The following FRMPD4 variants were observed in gnomAD, a reference collection of about 807,000 sequenced individuals.
FRMPD4 encodes the protein FERM and PDZ domain containing 4.
In FRMPD4, 22 loss-of-function variants were observed where a neutral mutation model predicts 94.1. The ratio of observed to expected loss-of-function variants is 0.23; its 90% CI spans 0.17 to 0.33. The LOEUF is 0.33. Among genes scored for constraint, FRMPD4 ranks in the 10% least tolerant of loss-of-function variants. The probability of loss-of-function intolerance (pLI) is 1.00; values close to 1 mark genes in which losing one functional copy is unlikely to be tolerated. For synonymous variants in FRMPD4, 631 were observed against 548.6 expected, an observed-to-expected ratio of 1.15 and a Z score of -2.10; for missense variants, 1,111 against 1,339.9, an observed-to-expected ratio of 0.83 and a Z score of 2.67.
intron 3 of FRMPD4, among the ~76,000 whole-genome samples, chrX:12,611,412 A>G (rs993594613): frequency 4.5e-5 from 5 of 111,628 alleles, no homozygotes; most frequent in Non-Finnish European, 9.4e-5. Flanking sequence ...TTTAGCTTCC[A>G]TGTTAAATTC....
chrX:12,308,673 A>G (rs2054983083), intron 1 of FRMPD4, among the ~76,000 whole-genome samples: 1 of 111,666 alleles, frequency 9.0e-6, no homozygotes, highest in Non-Finnish European at 1.9e-5. Flanking sequence ...CTTTCACAGA[A>G]AGGCAACAGG....
At chrX:12,047,241 A>G (rs1188487927) in intron 3 of FRMPD4, among the ~76,000 whole-genome samples, 1 of 110,325 alleles carries the variant, frequency 9.1e-6, no homozygotes, top group East Asian at 2.8e-4. Flanking sequence ...CCACACATAT[A>G]TAAAGTACAT....
intron 1 of FRMPD4, among the ~76,000 whole-genome samples, chrX:12,189,267 G>A (rs896528170): frequency 2.0e-4 from 22 of 111,576 alleles, no homozygotes; most frequent in African/African-American, 7.2e-4. Context: ...TATAGACATT[G>A]AATCAGTAAT....
chrX:12,376,520 A>G (rs1203227470), intron 1 of FRMPD4, among the ~76,000 whole-genome samples: 2 of 112,583 alleles, frequency 1.8e-5, no homozygotes, highest in East Asian at 2.8e-4. Flanking sequence ...TAACCTGTCA[A>G]TTTACCAACT....
At chrX:12,107,833 T>C (rs1408042013) in intron 3 of FRMPD4, among the ~76,000 whole-genome samples, 1 of 110,490 alleles carries the variant, frequency 9.1e-6, no homozygotes, top group African/African-American at 3.3e-5. Flanking sequence ...TGATTAAAGA[T>C]CAAATGAATG....
At chrX:12,329,327 A>G (rs975544662) in intron 1 of FRMPD4, among the ~76,000 whole-genome samples, 14 of 111,265 alleles carry the variant, frequency 1.3e-4, no homozygotes, top group African/African-American at 4.6e-4. Flanking sequence ...AGGAAAAGTT[A>G]TAATAGTATT....
chrX:12,060,407 CTT>C (rs34618179), intron 3 of FRMPD4, among the ~76,000 whole-genome samples: 3 of 93,328 alleles, frequency 3.2e-5, no homozygotes, highest in African/African-American at 7.7e-5. Flanking sequence ...GTTTATGTGT[CTT>C]TTTTTTTTTT....
chrX:12,646,320 G>A (rs1204426893), intron 4 of FRMPD4, among the ~76,000 whole-genome samples: 1 of 111,917 alleles, frequency 8.9e-6, no homozygotes, highest in Non-Finnish European at 1.9e-5. Flanking sequence ...GGGTTAGTGT[G>A]CCCCAAGTTC....
At chrX:12,679,544 G>T (rs1036907572) in intron 5 of FRMPD4, among the ~76,000 whole-genome samples, 2 of 111,998 alleles carry the variant, frequency 1.8e-5, no homozygotes, top group Non-Finnish European at 3.8e-5. Flanking sequence ...GTGGGAAAGA[G>T]TACTTGTGGC....
intron 3 of FRMPD4, among the ~76,000 whole-genome samples, chrX:11,949,369 T>C (rs2054207905): frequency 8.9e-6 from 1 of 111,931 alleles, no homozygotes; most frequent in African/African-American, 3.3e-5. Context: ...ATTCCTATTT[T>C]GAGAGTCTTG....
chrX:12,223,493 C>T (rs929305442), intron 1 of FRMPD4, among the ~76,000 whole-genome samples: 7 of 111,622 alleles, frequency 6.3e-5, no homozygotes, highest in African/African-American at 1.3e-4. Context: ...AAAACTATCA[C>T]GTACTGTGCT....
chrX:12,679,114 C>T (rs1338976830), intron 5 of FRMPD4, among the ~76,000 whole-genome samples: 1 of 112,199 alleles, frequency 8.9e-6, no homozygotes, highest in Non-Finnish European at 1.9e-5. Context: ...AGCATACCAG[C>T]CCAATTTCCA....
intron 1 of FRMPD4, among the ~76,000 whole-genome samples, chrX:12,435,208 T>C (rs1292864329): frequency 1.8e-5 from 2 of 111,966 alleles, no homozygotes; most frequent in Non-Finnish European, 3.8e-5. Context: ...CTCTAACTGG[T>C]TAAAATGTGG....
chrX:12,466,857 T>C lies in FRMPD4; in HGVS notation c.42-31823T>C, dbSNP rs201406200. Among the ~76,000 whole-genome samples, 6 of 112,061 alleles carry C rather than the reference T, an allele frequency of 5.4e-5. No homozygotes were observed. In the East Asian group the frequency reaches 1.1e-3, roughly 21 times the overall value. On this transcript the variant is annotated intron_variant, in intron 1 of 16. Transcript: ENST00000675598. ...AGCAAGAGGTAGCTAGGTTGACATA[T>C]TGAGAAAGGTAGAATCAATGGAAGG...
At chrX:12,004,303 G>A (rs1194712488) in intron 3 of FRMPD4, among the ~76,000 whole-genome samples, 1 of 112,009 alleles carries the variant, frequency 8.9e-6, no homozygotes, top group East Asian at 2.8e-4. Flanking sequence ...GCTGGCACTA[G>A]GTGCTTGCTC....
chrX:12,095,377 CAA>C (rs201645954), intron 3 of FRMPD4, among the ~76,000 whole-genome samples: 131 of 72,750 alleles, frequency 1.8e-3, no homozygotes, highest in African/African-American at 5.8e-3. Flanking sequence ...CTCTCTGTCT[CAA>C]AAAAAAAAAA....
At chrX:12,557,309 T>A (rs1310899766) in intron 2 of FRMPD4, among the ~76,000 whole-genome samples, 1 of 111,251 alleles carries the variant, frequency 9.0e-6, no homozygotes, top group East Asian at 2.8e-4. Context: ...GTAGCAGCTC[T>A]CAGAGAGAAT....
intron 1 of FRMPD4, among the ~76,000 whole-genome samples, chrX:12,149,427 T>A (rs1034247815): frequency 1.8e-5 from 2 of 111,463 alleles, no homozygotes; most frequent in Non-Finnish European, 3.8e-5. Flanking sequence ...ATTCCAACCC[T>A]CATAGATGGC....
At chrX:12,578,464 C>T (rs892835533) in intron 2 of FRMPD4, among the ~76,000 whole-genome samples, 5 of 111,505 alleles carry the variant, frequency 4.5e-5, no homozygotes, top group African/African-American at 9.8e-5. Flanking sequence ...CAGACTCACA[C>T]GAAACCCCAA....
Sources: gnomAD v4.1 joint callset for allele counts (sites outside exome capture counted in the v4.1 genomes callset) on GRCh38, gnomAD v4.1.1 for gene constraint, MANE v1.5 for transcripts, NCBI Gene and HGNC (gene_info 2026-07-23, HGNC 2026-07-21) for gene names.